Variants in GAB1 observed in about 807,000 individuals in gnomAD.
GAB1 encodes the protein GRB2-associated-binding protein 1.
Under a neutral mutation model 66.5 loss-of-function variants are expected in GAB1, and 19 were observed. The observed-to-expected ratio is 0.29, with a 90% confidence interval of 0.20 to 0.42. The LOEUF is 0.42. Among genes scored for constraint, GAB1 ranks in the 10% least tolerant of loss-of-function variants. The probability of loss-of-function intolerance (pLI) is 1.00; values close to 1 mark genes in which losing one functional copy is unlikely to be tolerated. For synonymous variants in GAB1, 294 were observed against 301.4 expected (o/e 0.98, Z 0.25); for missense variants, 732 against 858.5 (o/e 0.85, Z 1.84).
In GAB1 at chr4:143,472,824, G is replaced by A. The variant is rs893739333; in HGVS notation, c.*3635G>A. 2 of 151,918 alleles carry A rather than the reference G, an allele frequency of 1.3e-5. No homozygotes were observed. Among genetic ancestry groups the A allele is most frequent in the Non-Finnish European group, 2.9e-5 (2 of 67,978 alleles). 9.4% of individuals were successfully genotyped at this position (151,918 alleles called of 1,614,324 possible). ...AGTGAGAAAGATACATGCATTCTAT[G>A]GTAACAACTACTGTCAATAACATCT... On this transcript the variant is annotated 3_prime_UTR_variant, in exon 10 of 10. Transcript: ENST00000262994.
At chr4:143,463,730 A>C (rs530175837) in intron 8 of GAB1, among the ~76,000 whole-genome samples, 304 of 152,292 alleles carry the variant, frequency 2.0e-3, no homozygotes, top group Non-Finnish European at 3.7e-3. Flanking sequence ...TTTTGGGAAA[A>C]TACTGGGTGA....
intron 2 of GAB1, chr4:143,425,935 T>C: frequency 3.8e-6 from 4 of 1,055,598 alleles, no homozygotes; most frequent in Non-Finnish European, 5.8e-6. Context: ...TCTTAAGCTG[T>C]TCTTGCACGG....
intron 2 of GAB1, among the ~76,000 whole-genome samples, chr4:143,430,893 T>G (rs1179710375): frequency 6.6e-6 from 1 of 152,196 alleles, no homozygotes; most frequent in Admixed American, 6.5e-5. Context: ...CTTATCTAAT[T>G]CAAAACAATC....
Position 143,459,415 on chromosome 4 carries a change from T to G in GAB1, c.1616T>G (p.Leu539Trp). The G allele has an allele frequency of 6.2e-7, 1 of 1,610,978 alleles. No individual in the cohort carries two copies. The highest frequency in any genetic ancestry group is 8.5e-7 in the Non-Finnish European group (1 of 1,177,234). ...CCAGCGCCTTTAGAAATAAAACCTT[T>G]GCCAGAATGGGAAGAATTACAAGCC... is the stretch of plus-strand genomic sequence containing the variant. Reference protein sequence around the residue: ...VKPAPLEIKPLPEWEELQAPV... With the variant: ...VKPAPLEIKPWPEWEELQAPV... Residue 539 changes from leucine (L) to tryptophan (W), a missense_variant, in exon 7 of 10, where the codon TTG becomes TGG. By Grantham distance (61) the Leu-to-Trp change is moderately conservative. Coordinates refer to ENST00000262994, the MANE Select transcript of GAB1 (RefSeq NM_002039.4).
At chr4:143,339,368 G>A (rs1474061625) in intron 1 of GAB1, among the ~76,000 whole-genome samples, 3 of 152,206 alleles carry the variant, frequency 2.0e-5, no homozygotes, top group Admixed American at 6.5e-5. Context: ...AAAAATAGCC[G>A]GGCGTGGTGG....
intron 1 of GAB1, among the ~76,000 whole-genome samples, chr4:143,379,557 C>T (rs1730568802): frequency 6.6e-6 from 1 of 152,072 alleles, no homozygotes; most frequent in Non-Finnish European, 1.5e-5. Flanking sequence ...CCTCTGATTC[C>T]CTTCTCCCAC....
chr4:143,391,553 A>C (rs1359564431), intron 1 of GAB1: 1 of 152,110 alleles, frequency 6.6e-6, no homozygotes, highest in African/African-American at 2.4e-5. Context: ...TTTTCTTGGG[A>C]GCAAGGTAGT....
intron 1 of GAB1, among the ~76,000 whole-genome samples, chr4:143,351,496 TG>T (rs1453205159): frequency 1.3e-5 from 2 of 152,080 alleles, no homozygotes; most frequent in Admixed American, 6.5e-5. Context: ...ACCTAGGGTC[TG>T]GGGGGTTTTT....
At chr4:143,424,963 A>AG in intron 2 of GAB1, 1 of 496,472 alleles carries the variant, frequency 2.0e-6, no homozygotes. Context: ...TTAAAAAAAG[A>AG]AAAAAAAAGG....
chr4:143,346,380 A>T (rs1185018595), intron 1 of GAB1, among the ~76,000 whole-genome samples: 5 of 152,226 alleles, frequency 3.3e-5, no homozygotes, highest in Non-Finnish European at 5.9e-5. Flanking sequence ...CCCTGAGATG[A>T]CTACCTGATG....
At chr4:143,434,210 A>G in intron 3 of GAB1, 1 of 1,031,076 alleles carries the variant, frequency 9.7e-7, no homozygotes, top group South Asian at 1.4e-5. Context: ...TGAGAAATTA[A>G]TCATAAGGTA....
chr4:143,347,174 CTT>C (rs565489304), intron 1 of GAB1, among the ~76,000 whole-genome samples: 124 of 152,300 alleles, frequency 8.1e-4, no homozygotes, highest in African/African-American at 2.9e-3. Context: ...CATTTGTTCT[CTT>C]GTCTCAAATA....
chr4:143,395,097 A>G (rs1731376920), intron 1 of GAB1: 1 of 152,234 alleles, frequency 6.6e-6, no homozygotes, highest in Non-Finnish European at 1.5e-5. Flanking sequence ...ACTTAAACGC[A>G]TGAGAGTGTT....
At chr4:143,381,306 G>A (rs1372294491) in intron 1 of GAB1, among the ~76,000 whole-genome samples, 1 of 152,120 alleles carries the variant, frequency 6.6e-6, no homozygotes, top group Non-Finnish European at 1.5e-5. Flanking sequence ...GTTAGCTTTT[G>A]CCCTTGCCTT....
chr4:143,398,669 AG>A (rs1578654324), intron 1 of GAB1, among the ~76,000 whole-genome samples: 1 of 151,572 alleles, frequency 6.6e-6, no homozygotes, highest in Admixed American at 6.6e-5. Context: ...TAGGTGGGTG[AG>A]GGGGTCATCT....
chr4:143,345,913 A>G (rs1320641283), intron 1 of GAB1, among the ~76,000 whole-genome samples: 1 of 152,248 alleles, frequency 6.6e-6, no homozygotes, highest in Admixed American at 6.5e-5. Context: ...AATAGAAAAT[A>G]GAGACAGGGT....
At chr4:143,387,245 C>T (rs1424087913) in intron 1 of GAB1, among the ~76,000 whole-genome samples, 2 of 152,212 alleles carry the variant, frequency 1.3e-5, no homozygotes, top group Non-Finnish European at 2.9e-5. Context: ...AATTCTCCTG[C>T]CTCAGCCTCC....
At chr4:143,421,370 G>A (rs1055272840) in intron 2 of GAB1, among the ~76,000 whole-genome samples, 5 of 152,032 alleles carry the variant, frequency 3.3e-5, no homozygotes, top group African/African-American at 1.2e-4. Context: ...TTCTTTATAT[G>A]TCTTTTGATG....
In GAB1 at chr4:143,438,378, G is replaced by A; in HGVS notation, c.973G>A (p.Glu325Lys). Residue 325 changes from glutamate to lysine, a missense_variant, in exon 4 of 10, where the codon GAA becomes AAA. By Grantham distance (56) the Glu-to-Lys change is moderately conservative (BLOSUM62 1). Around this residue, in one of 4 missense-constraint regions of GAB1, gnomAD observed 427 missense variants for 420.6 expected, o/e 1.02. Coordinates refer to ENST00000262994, the MANE Select transcript of GAB1 (RefSeq NM_002039.4). Reference sequence around the variant, plus strand: ...TTATCAGATTCCACGAACATTTCCAGAAGGAACCTTGGGACAGACATCAAA... The same window carrying A: ...TTATCAGATTCCACGAACATTTCCAAAAGGAACCTTGGGACAGACATCAAA... ...NTYQIPRTFP[E>K]GTLGQTSKLD... is the part of the protein sequence containing the mutation. 6.2e-7 allele frequency: 1 copy of A among 1,614,004 alleles called. No individual in the cohort carries two copies.
Sources: allele counts gnomAD v4.1 joint callset (sites outside exome capture counted in the v4.1 genomes callset), GRCh38; gene constraint gnomAD v4.1.1; regional missense constraint gnomAD v4.1.1; transcripts MANE v1.5; gene names NCBI Gene and HGNC (gene_info 2026-07-23, HGNC 2026-07-21).